ZNF70: variants seen among roughly 807,000 people sequenced by gnomAD.
ZNF70 encodes the protein zinc finger protein 70.
Under a neutral mutation model 37.7 loss-of-function variants are expected in ZNF70, and 18 were observed. That is an observed-to-expected ratio of 0.48 (90% confidence interval 0.33 to 0.71). The LOEUF (loss-of-function observed/expected upper bound fraction) is 0.71. ZNF70 is among the 30% of genes least tolerant of loss of function. The pLI is 0.02. For missense variants in ZNF70, 506 were observed against 568.6 expected (o/e 0.89, Z 1.12); for synonymous variants, 219 against 220.1 (o/e 0.99, Z 0.05).
Position 23,744,231 on chromosome 22 carries a change from C to A in ZNF70, c.910G>T (p.Gly304Trp), listed in dbSNP as rs1925003145. The change falls in exon 2 of 2, where the codon GGG becomes TGG. Residue 304 changes from glycine (G) to tryptophan (W), a missense_variant. Coordinates refer to ENST00000341976, the MANE Select transcript of ZNF70 (RefSeq NM_021916.4). ...HLIRHQRIHT[G>W]KKPYKCDECG... ...TCATCGCATTTGTATGGTTTCTTCC[C>A]AGTGTGGATCCGCTGGTGTCGGATG... is the stretch of plus-strand genomic sequence containing the variant. 1.2e-6 allele frequency: 2 copies of A among 1,613,392 alleles called. No homozygotes were observed. The highest frequency in any genetic ancestry group is 8.5e-7 in the Non-Finnish European group (1 of 1,179,868).
In ZNF70 at chr22:23,744,448, T is replaced by A; in HGVS notation, c.693A>T (p.Lys231Asn). 1 of 1,613,672 alleles carries A rather than the reference T, an allele frequency of 6.2e-7. No homozygotes were observed. Among genetic ancestry groups the A allele is most frequent in the Non-Finnish European group, 8.5e-7 (1 of 1,179,910 alleles). Residue 231 changes from lysine to asparagine, a missense_variant, in exon 2 of 2, where the codon AAA (lysine) becomes AAT (asparagine). Physicochemically the swap from Lys to Asn is moderately conservative, Grantham distance 94. Coordinates refer to ENST00000341976, the MANE Select transcript of ZNF70 (RefSeq NM_021916.4). Reference sequence around the variant, plus strand: ...TGAGGCTGGAGCTCCGGCTGAAATCTTTCCCGCATTCCCTGCACTCGTAGG... The same window carrying A: ...TGAGGCTGGAGCTCCGGCTGAAATCATTCCCGCATTCCCTGCACTCGTAGG... ...KRPYECRECG[K>N]DFSRSSSLRK...
chr22:23,744,693 T>C lies in ZNF70; in HGVS notation c.448A>G (p.Ser150Gly). ...YACRECGKAF[S>G]QSSHLLRHLV... ...TGTCGGAGCAGGTGCGAGCTCTGGC[T>C]GAAGGCCTTCCCACACTCTCGACAC... is the stretch of plus-strand genomic sequence containing the variant. Residue 150 changes from serine (S) to glycine (G), a missense_variant, in exon 2 of 2, where the codon AGC (serine) becomes GGC (glycine). Ser to Gly is a moderately conservative substitution (Grantham distance 56). Transcript: ENST00000341976. 1 of 1,613,930 alleles carries C rather than the reference T, an allele frequency of 6.2e-7. No individual in the cohort carries two copies. The highest frequency in any genetic ancestry group is 1.1e-5 in the South Asian group (1 of 91,060).
In ZNF70 at chr22:23,743,472, T is replaced by G. The variant is rs1365960974; in HGVS notation, c.*328A>C. ...TTCTCCCTCTTGGCATTTATTCTTCTAGATTCTGGGAAATGTGAAGACAGG... is the reference window on the plus strand; with the variant it reads ...TTCTCCCTCTTGGCATTTATTCTTCGAGATTCTGGGAAATGTGAAGACAGG... On this transcript the variant is annotated 3_prime_UTR_variant, in exon 2 of 2. Coordinates refer to ENST00000341976, the MANE Select transcript of ZNF70 (RefSeq NM_021916.4). 3.6e-6 allele frequency: 1 copy of G among 281,330 alleles called. No individual in the cohort carries two copies. The highest frequency in any genetic ancestry group is 2.2e-5 in the African/African-American group (1 of 45,756). 17.4% of individuals were successfully genotyped at this position (281,330 alleles called of 1,614,324 possible). A position where few individuals can be genotyped will look rare whatever the true frequency, so the allele number is the denominator to read the frequency against.
rs183801661 is a variant in ZNF70, at chr22:23,741,602, T to C, written c.*2198A>G. On this transcript the variant is annotated 3_prime_UTR_variant, in exon 2 of 2. Transcript: ENST00000341976. ...AACAGTTATGGCTTTCCCATGTTTATTCATCAAAACTAGGCATAATGGCCA... is the reference window on the plus strand; with the variant it reads ...AACAGTTATGGCTTTCCCATGTTTACTCATCAAAACTAGGCATAATGGCCA... 6.6e-6 allele frequency: 1 copy of C among 152,382 alleles called. No homozygotes were observed. The highest frequency in any genetic ancestry group is 2.4e-5 in the African/African-American group (1 of 41,588). 9.4% of individuals were successfully genotyped at this position (152,382 alleles called of 1,614,324 possible).
intron 1 of ZNF70, among the ~76,000 whole-genome samples, chr22:23,745,467 T>C (rs975452803): frequency 6.6e-6 from 1 of 151,944 alleles, no homozygotes; most frequent in African/African-American, 2.4e-5. Context: ...TTCAGAAAGG[T>C]GAGCTAAAAC....
rs988091744 is a variant in ZNF70, at chr22:23,739,857, A to G, written c.*3943T>C. 1.3e-5 allele frequency: 2 copies of G among 151,702 alleles called. No individual in the cohort carries two copies. Among genetic ancestry groups the G allele is most frequent in the African/African-American group, 4.8e-5 (2 of 41,334 alleles). 9.4% of individuals were successfully genotyped at this position (151,702 alleles called of 1,614,324 possible). A position where few individuals can be genotyped will look rare whatever the true frequency, so the allele number is the denominator to read the frequency against. On this transcript the variant is annotated 3_prime_UTR_variant, in exon 2 of 2. Coordinates refer to ENST00000341976, the MANE Select transcript of ZNF70 (RefSeq NM_021916.4). ...CGTGATCCACCCACCTCGGCCTTCCAAAGTGCTGGGATTACAGGTGTGAGT... is the reference window on the plus strand; with the variant it reads ...CGTGATCCACCCACCTCGGCCTTCCGAAGTGCTGGGATTACAGGTGTGAGT...
rs1229929497 is a variant in ZNF70, at chr22:23,742,829, C to A, written c.*971G>T. On this transcript the variant is annotated 3_prime_UTR_variant, in exon 2 of 2. Coordinates refer to ENST00000341976, the MANE Select transcript of ZNF70 (RefSeq NM_021916.4). ...GGGGAAGTTACAGGACTTGTTCAAG[C>A]TCACCCAGGTAGGAGGGGGTGGAAC... The A allele has an allele frequency of 6.6e-6, 1 of 152,300 alleles. No individual in the cohort carries two copies. Among genetic ancestry groups the A allele is most frequent in the Non-Finnish European group, 1.5e-5 (1 of 68,102 alleles). 9.4% of individuals were successfully genotyped at this position (152,300 alleles called of 1,614,324 possible). A position where few individuals can be genotyped will look rare whatever the true frequency, so the allele number is the denominator to read the frequency against.
rs753459764 is a variant in ZNF70, at chr22:23,743,925, G to A, written c.1216C>T (p.Leu406Phe). Residue 406 changes from leucine to phenylalanine, a missense_variant, in exon 2 of 2, where the codon CTC becomes TTC. Coordinates refer to ENST00000341976, the MANE Select transcript of ZNF70 (RefSeq NM_021916.4). ...GTGTGGGTTTTATAGTGCTCAATGA[G>A]GGCTGACCGGTGCCGGAAGGCTTTG... ...CGKAFRHRSA[L>F]IEHYKTHTRE... is the part of the protein sequence containing the mutation. 32 of 1,613,212 alleles carry A rather than the reference G, an allele frequency of 2.0e-5. No homozygotes were observed. The South Asian group carries it at 3.0e-4, about 15-fold the overall frequency.
chr22:23,744,170 A>G lies in ZNF70; in HGVS notation c.971T>C (p.Ile324Thr), dbSNP rs139624807. Reference protein sequence around the residue: ...GKAFSQSSNLIEHRKTHTGEK... With the variant: ...GKAFSQSSNLTEHRKTHTGEK... ...GCCAGTGTGGGTCTTGCGGTGCTCAATGAGGTTGGAGCTCTGGCTGAAGGC... is the reference window on the plus strand; with the variant it reads ...GCCAGTGTGGGTCTTGCGGTGCTCAGTGAGGTTGGAGCTCTGGCTGAAGGC... The change falls in exon 2 of 2, where the codon ATT (isoleucine) becomes ACT (threonine). Residue 324 changes from isoleucine (I) to threonine (T), a missense_variant. Coordinates refer to ENST00000341976, the MANE Select transcript of ZNF70 (RefSeq NM_021916.4). 8.7e-5 allele frequency: 141 copies of G among 1,613,964 alleles called. No individual in the cohort carries two copies. The highest frequency in any genetic ancestry group is 1.0e-4 in the Non-Finnish European group (123 of 1,179,990).
Position 23,744,258 on chromosome 22 carries a change from G to C in ZNF70, c.883C>G (p.Leu295Val), listed in dbSNP as rs779575320. Residue 295 changes from leucine (L) to valine (V), a missense_variant, in exon 2 of 2, where the codon CTC (leucine) becomes GTC (valine). Leu to Val is a conservative substitution (Grantham distance 32, BLOSUM62 1). Transcript: ENST00000341976. ...GTGTGGATCCGCTGGTGTCGGATGA[G>C]GTGTGACCTGTGACAAAAGGCTTTC... ...CGKAFCHRSH[L>V]IRHQRIHTGK... 2 of 1,613,144 alleles carry C rather than the reference G, an allele frequency of 1.2e-6. No homozygotes were observed. The highest frequency in any genetic ancestry group is 2.2e-5 in the South Asian group (2 of 91,032).
At chr22:23,745,637 G>A (rs545300948) in intron 1 of ZNF70, among the ~76,000 whole-genome samples, 47 of 152,260 alleles carry the variant, frequency 3.1e-4, no homozygotes, top group Admixed American at 8.5e-4. Flanking sequence ...TGGGTGTGGT[G>A]GTGGGTGCCT....
chr22:23,749,933 A>G (rs1211893042), intron 1 of ZNF70, among the ~76,000 whole-genome samples: 1 of 151,978 alleles, frequency 6.6e-6, no homozygotes, highest in Admixed American at 6.6e-5. Context: ...TCTCCATACT[A>G]TGCGCATCAC....
At chr22:23,749,384 C>T (rs1164591783) in intron 1 of ZNF70, among the ~76,000 whole-genome samples, 2 of 107,058 alleles carry the variant, frequency 1.9e-5, no homozygotes, top group Non-Finnish European at 3.5e-5. Context: ...AAAAAAAAGC[C>T]GGCCGTGGTG....
rs1048153847 is a variant in ZNF70, at chr22:23,740,769, A to C, written c.*3031T>G. On this transcript the variant is annotated 3_prime_UTR_variant, in exon 2 of 2. Coordinates refer to ENST00000341976, the MANE Select transcript of ZNF70 (RefSeq NM_021916.4). ...GAGACTCTGTCTCAAAAAAAAAAAAAAAAAAAAAAAAACTAATAAAACAAG... is the reference window on the plus strand; with the variant it reads ...GAGACTCTGTCTCAAAAAAAAAAAACAAAAAAAAAAAACTAATAAAACAAG... 5 of 150,286 alleles carry C rather than the reference A, an allele frequency of 3.3e-5. No individual in the cohort carries two copies. Among genetic ancestry groups the C allele is most frequent in the Non-Finnish European group, 7.3e-5 (5 of 68,144 alleles). The allele number at this position is 150,286 out of a possible 1,614,324, so 9.3% of individuals were successfully genotyped here. A position where few individuals can be genotyped will look rare whatever the true frequency, so the allele number is the denominator to read the frequency against.
Position 23,744,330 on chromosome 22 carries a change from G to A in ZNF70, c.811C>T (p.Arg271Trp), listed in dbSNP as rs765820233. Residue 271 changes from arginine to tryptophan, a missense_variant, in exon 2 of 2, where the codon CGG becomes TGG. By Grantham distance (101) the Arg-to-Trp change is moderately radical (BLOSUM62 -3). Coordinates refer to ENST00000341976, the MANE Select transcript of ZNF70 (RefSeq NM_021916.4). The stretch of plus-strand genomic sequence containing the variant: ...GGTTTCTTTAGGGTGTGGATCTTCC[G>A]ATGCTGGCTCAGGCCTGAGCTCTGG... ...FNQSSGLSQHRKIHTLKKPHE... is the reference protein window; with the variant it reads ...FNQSSGLSQHWKIHTLKKPHE... The A allele has an allele frequency of 1.6e-5, 26 of 1,613,800 alleles. No homozygotes were observed. Among genetic ancestry groups the A allele is most frequent in the African/African-American group, 2.7e-5 (2 of 74,800 alleles).
intron 1 of ZNF70, among the ~76,000 whole-genome samples, chr22:23,746,422 G>A (rs978084524): frequency 6.6e-6 from 1 of 151,680 alleles, no homozygotes; most frequent in Non-Finnish European, 1.5e-5. Context: ...GGCCAGGCTG[G>A]TCTCAAACTT....
In ZNF70 at chr22:23,744,033, C is replaced by T. The variant is rs751507941; in HGVS notation, c.1108G>A (p.Gly370Ser). ...GCAGAGCTGTGGCAAAAGGCCTTGC[C>T]ACACTGACAGCACTCGTAGGGCTTC... ...GEKPYECCQC[G>S]KAFCHSSALI... Residue 370 changes from glycine (G) to serine (S), a missense_variant, in exon 2 of 2, where the codon GGC becomes AGC. Gly to Ser is a moderately conservative substitution (Grantham distance 56, BLOSUM62 0). Transcript: ENST00000341976. 5.6e-6 allele frequency: 9 copies of T among 1,614,188 alleles called. No individual in the cohort carries two copies. Among genetic ancestry groups the T allele is most frequent in the Non-Finnish European group, 7.6e-6 (9 of 1,180,042 alleles).
rs1375596154 is a variant in ZNF70 at position 23,742,505 on chromosome 22, G to C, written c.*1295C>G. The C allele has an allele frequency of 2.6e-5, 4 of 152,284 alleles. No homozygotes were observed. The highest frequency in any genetic ancestry group is 2.6e-4 in the Admixed American group (4 of 15,288). The allele number at this position is 152,284 out of a possible 1,614,324, so 9.4% of individuals were successfully genotyped here. A position where few individuals can be genotyped will look rare whatever the true frequency, so the allele number is the denominator to read the frequency against. ...CATCCTAGAGGAAGTGTCCTTGTGT[G>C]GGACACTGCATCCGCAGGCATACAC... is the stretch of plus-strand genomic sequence containing the variant. On this transcript the variant is annotated 3_prime_UTR_variant, in exon 2 of 2. Transcript: ENST00000341976.
chr22:23,745,025 C>A lies in ZNF70; in HGVS notation c.116G>T (p.Arg39Ile), dbSNP rs1237933852. The change falls in exon 2 of 2, where the codon AGA (arginine) becomes ATA (isoleucine). Residue 39 changes from arginine (R) to isoleucine (I), a missense_variant. Physicochemically the swap from Arg to Ile is moderately conservative, Grantham distance 97 (BLOSUM62 -3). Coordinates refer to ENST00000341976, the MANE Select transcript of ZNF70 (RefSeq NM_021916.4). Reference sequence around the variant, plus strand: ...GATCACAGCCATTTGCTCCAAACCTCTTTCCTGAAGAAAAGGGTCCCCCAG... The same window carrying A: ...GATCACAGCCATTTGCTCCAAACCTATTTCCTGAAGAAAAGGGTCCCCCAG... ...EDLGDPFLQE[R>I]GLEQMAVIYK... is the part of the protein sequence containing the mutation. 4 of 1,614,088 alleles carry A rather than the reference C, an allele frequency of 2.5e-6. No homozygotes were observed. The highest frequency in any genetic ancestry group is 3.4e-6 in the Non-Finnish European group (4 of 1,180,046).
Sources: allele counts gnomAD v4.1 joint callset (sites outside exome capture counted in the v4.1 genomes callset), GRCh38; gene constraint gnomAD v4.1.1; transcripts MANE v1.5; gene names NCBI Gene and HGNC (gene_info 2026-07-23, HGNC 2026-07-21).